Variants in GRM5 observed in about 807,000 individuals in gnomAD.
GRM5 encodes glutamate metabotropic receptor 5.
GRM5 carries 19 observed loss-of-function variants against 83.1 expected under a neutral mutation model. The ratio of observed to expected loss-of-function variants is 0.23; its 90% CI spans 0.16 to 0.34. GRM5 has a LOEUF of 0.34. Ranked by LOEUF, GRM5 falls within the 10% of genes least tolerant of loss-of-function variation. GRM5 has a pLI of 1.00. For synonymous variants in GRM5, 675 were observed against 633.6 expected (o/e 1.07, Z -0.98); for missense variants, 1,160 against 1,588.3 (o/e 0.73, Z 4.58).
chr11:88,992,922 G>C (rs1295164939), intron 2 of GRM5, among the ~76,000 whole-genome samples: 1 of 151,712 alleles, frequency 6.6e-6, no homozygotes, highest in Admixed American at 6.6e-5. Flanking sequence ...TGTAAATGAC[G>C]AGTTAATGGG....
At chr11:88,883,255 A>T (rs866715366) in intron 2 of GRM5, among the ~76,000 whole-genome samples, 1 of 152,204 alleles carries the variant, frequency 6.6e-6, no homozygotes, top group African/African-American at 2.4e-5. Context: ...AAGATGTGGG[A>T]AAGTTTGGAA....
intron 3 of GRM5, among the ~76,000 whole-genome samples, chr11:88,717,502 T>C (rs1392836886): frequency 1.3e-5 from 2 of 151,852 alleles, no homozygotes; most frequent in East Asian, 1.9e-4. Context: ...TTTACAAAGA[T>C]TGAATTCCTT....
intron 2 of GRM5, among the ~76,000 whole-genome samples, chr11:89,028,438 A>T (rs1022063028): frequency 6.6e-6 from 1 of 152,160 alleles, no homozygotes; most frequent in African/African-American, 2.4e-5. Context: ...AAAATAAAAA[A>T]TTAGCCAGGA....
At chr11:88,737,578 T>C (rs550586182) in intron 3 of GRM5, among the ~76,000 whole-genome samples, 5 of 152,186 alleles carry the variant, frequency 3.3e-5, no homozygotes, top group Admixed American at 6.5e-5. Flanking sequence ...AGCCCAAGTA[T>C]AGTGATCTGT....
intron 3 of GRM5, among the ~76,000 whole-genome samples, chr11:88,671,642 A>G (rs1427549533): frequency 6.6e-6 from 1 of 152,104 alleles, no homozygotes; most frequent in East Asian, 1.9e-4. Context: ...TATAATAAAC[A>G]TAATACCAAG....
chr11:88,692,485 T>A (rs1443814037), intron 3 of GRM5, among the ~76,000 whole-genome samples: 2 of 152,176 alleles, frequency 1.3e-5, no homozygotes, highest in Non-Finnish European at 2.9e-5. Context: ...CCACAGGCCC[T>A]TATGACATCC....
At chr11:88,587,438 T>C (rs1943339293) in intron 7 of GRM5, among the ~76,000 whole-genome samples, 1 of 152,086 alleles carries the variant, frequency 6.6e-6, no homozygotes, top group Non-Finnish European at 1.5e-5. Flanking sequence ...AAAGCAGTGG[T>C]GATTGAAACT....
intron 3 of GRM5, among the ~76,000 whole-genome samples, chr11:88,674,659 C>G (rs890185214): frequency 5.9e-5 from 9 of 151,862 alleles, no homozygotes; most frequent in Non-Finnish European, 1.3e-4. Context: ...CAGGAATCTG[C>G]TCCTTCCAGA....
intron 3 of GRM5, among the ~76,000 whole-genome samples, chr11:88,709,664 C>A (rs1941239361): frequency 6.6e-6 from 1 of 152,120 alleles, no homozygotes; most frequent in Non-Finnish European, 1.5e-5. Context: ...GGTGGCTGGG[C>A]TGTTTGCCTG....
intron 2 of GRM5, among the ~76,000 whole-genome samples, chr11:88,953,952 C>T (rs1938536520): frequency 6.6e-6 from 1 of 152,144 alleles, no homozygotes; most frequent in Non-Finnish European, 1.5e-5. Flanking sequence ...CTTCTGTAAA[C>T]ACCACTGAAA....
chr11:88,741,372 A>G (rs1942024931), intron 3 of GRM5, among the ~76,000 whole-genome samples: 1 of 152,064 alleles, frequency 6.6e-6, no homozygotes, highest in Admixed American at 6.6e-5. Flanking sequence ...TCTCACTCCC[A>G]GGTTTAGGCC....
At chr11:88,602,954 T>C (rs1244717089) in intron 5 of GRM5, among the ~76,000 whole-genome samples, 1 of 152,130 alleles carries the variant, frequency 6.6e-6, no homozygotes, top group African/African-American at 2.4e-5. Context: ...TTTTCCTGAG[T>C]CTGCTTCATG....
At position 88,848,476 on chromosome 11, in the gene GRM5, C is replaced by A. The variant is rs181761563; in HGVS notation, c.911+1430G>T. Among the ~76,000 whole-genome samples, 13 of 152,242 alleles carry A rather than the reference C, an allele frequency of 8.5e-5. No individual in the cohort carries two copies. The East Asian group carries it at 2.5e-3, about 29-fold the overall frequency. ...TTAATAAGCCATCAAAAGTTAATAA[C>A]AAGTGACTTGGCTCTCTATTTGGGG... is the stretch of plus-strand genomic sequence containing the variant. On this transcript the variant is annotated intron_variant, in intron 3 of 9. Coordinates refer to ENST00000305447, the MANE Select transcript of GRM5 (RefSeq NM_001143831.3).
chr11:89,012,959 GT>G (rs1026325286), intron 2 of GRM5, among the ~76,000 whole-genome samples: 1 of 152,134 alleles, frequency 6.6e-6, no homozygotes, highest in African/African-American at 2.4e-5. Flanking sequence ...ATCCTCTAAA[GT>G]TCTGAAAAAA....
chr11:88,994,445 T>TTATA (rs58154444), intron 2 of GRM5, among the ~76,000 whole-genome samples: 3,730 of 86,798 alleles, frequency 0.043, 66 homozygotes, highest in East Asian at 0.053. Context: ...CTTTAACTGA[T>TTATA]TATATATATA....
intron 8 of GRM5, among the ~76,000 whole-genome samples, chr11:88,542,040 G>A (rs1409763108): frequency 6.6e-6 from 1 of 152,142 alleles, no homozygotes; most frequent in Non-Finnish European, 1.5e-5. Flanking sequence ...GGCCATGATT[G>A]TAAGTTTCCT....
chr11:88,902,285 C>G (rs1411362819), intron 2 of GRM5, among the ~76,000 whole-genome samples: 3 of 151,864 alleles, frequency 2.0e-5, no homozygotes, highest in African/African-American at 4.8e-5. Context: ...ACCTTTGCTA[C>G]TTAATAGTCA....
At chr11:88,718,433 G>A (rs1941447446) in intron 3 of GRM5, among the ~76,000 whole-genome samples, 2 of 151,864 alleles carry the variant, frequency 1.3e-5, no homozygotes, top group Non-Finnish European at 2.9e-5. Context: ...AGAGACAGTG[G>A]AATTAAAAGA....
intron 5 of GRM5, among the ~76,000 whole-genome samples, chr11:88,598,063 A>C (rs189735572): frequency 8.5e-5 from 13 of 152,218 alleles, no homozygotes; most frequent in Admixed American, 7.8e-4. Context: ...TCTAGAGAAG[A>C]ATCTCTGAAA....
Sources: gnomAD v4.1 joint callset for allele counts (sites outside exome capture counted in the v4.1 genomes callset) on GRCh38, gnomAD v4.1.1 for gene constraint, MANE v1.5 for transcripts, NCBI Gene and HGNC (gene_info 2026-07-23, HGNC 2026-07-21) for gene names.